Variants in TRABD observed in about 807,000 individuals in gnomAD.
The protein encoded by TRABD is TraB domain containing.
Under a neutral mutation model 39.6 loss-of-function variants are expected in TRABD, and 23 were observed. The observed-to-expected ratio is 0.58, with a 90% CI of 0.42 to 0.82. TRABD has a LOEUF of 0.82. Among genes scored for constraint, TRABD ranks in the 40% least tolerant of loss-of-function variants. TRABD has a pLI of 0.00. For synonymous variants in TRABD, 243 were observed against 232.1 expected, an observed-to-expected ratio of 1.05 and a Z score of -0.43; for missense variants, 487 against 544.9, an observed-to-expected ratio of 0.89 and a Z score of 1.06.
Position 50,197,963 on chromosome 22 carries a change from C to T in TRABD, c.812C>T (p.Ala271Val), listed in dbSNP as rs1355351872. Residue 271 changes from alanine (A) to valine (V), a missense_variant, in exon 8 of 10, where the codon GCG becomes GTG. By Grantham distance (64) the Ala-to-Val change is moderately conservative. Coordinates refer to ENST00000380909, the MANE Select transcript of TRABD (RefSeq NM_001320485.2). Reference protein sequence around the residue: ...VYLTYMLRQAARRLELPRASD... With the variant: ...VYLTYMLRQAVRRLELPRASD... ...CTAACCTACATGCTGCGCCAGGCCG[C>T]GCGGCGCCTCGAGCTGCCTCGGGCC... The T allele has an allele frequency of 3.1e-6, 5 of 1,612,576 alleles. No individual in the cohort carries two copies. The highest frequency in any genetic ancestry group is 2.2e-5 in the South Asian group (2 of 91,072).
rs777211743 is a variant in TRABD, at chr22:50,198,366, C to T, written c.978C>T (p.Ser326=). ...EIMTVPPPSV[S]GRVSRLAVKA... ...ACAGCGTGCCCCCGCCGTCCGTCTCCGGCAGAGTGTCTCGGTTGGCCGTGA... is the reference window on the plus strand; with the variant it reads ...ACAGCGTGCCCCCGCCGTCCGTCTCTGGCAGAGTGTCTCGGTTGGCCGTGA... The change falls in exon 10 of 10, where the codon TCC becomes TCT. Residue 326 remains serine, a synonymous_variant. Coordinates refer to ENST00000380909, the MANE Select transcript of TRABD (RefSeq NM_001320485.2). The surrounding 1 kb of genome is among the most constrained non-coding windows in gnomAD (Gnocchi z 7.9). 18 of 1,585,074 alleles carry T rather than the reference C, an allele frequency of 1.1e-5. No individual in the cohort carries two copies. Among genetic ancestry groups the T allele is most frequent in the Middle Eastern group, 1.7e-4 (1 of 5,848 alleles).
chr22:50,193,052 C>A lies in TRABD; in HGVS notation c.-9C>A, dbSNP rs756282901. The A allele has an allele frequency of 1.9e-6, 3 of 1,545,108 alleles. No individual in the cohort carries two copies. Among genetic ancestry groups the A allele is most frequent in the South Asian group, 1.2e-5 (1 of 84,102 alleles). On this transcript the variant is annotated 5_prime_UTR_variant, in exon 2 of 10. Transcript: ENST00000380909. ...GCTCCCCACAGGTGCAGGAAGCCGC[C>A]GCCCAGCCATGGACGGGGAGGAGCA...
At chr22:50,187,288 C>T (rs1172221920) in intron 1 of TRABD, among the ~76,000 whole-genome samples, 1 of 152,218 alleles carries the variant, frequency 6.6e-6, no homozygotes, top group Non-Finnish European at 1.5e-5. Flanking sequence ...CGGGCTCTGG[C>T]TCAGGTGTGT....
chr22:50,195,137 A>G, intron 5 of TRABD, 97 bp downstream of exon 5: 1 of 1,432,660 alleles, frequency 7.0e-7, no homozygotes. Context: ...GCCCCCAGTC[A>G]GTGTGGCTGT....
At chr22:50,197,212 C>G in intron 5 of TRABD, 29 bp from the exon 6 acceptor site, 1 of 1,606,298 alleles carries the variant, frequency 6.2e-7, no homozygotes, top group Non-Finnish European at 8.5e-7. Flanking sequence ...CCCGCCCCTC[C>G]AGCTGATGCC....
intron 1 of TRABD, among the ~76,000 whole-genome samples, chr22:50,186,409 G>A (rs1270550988): frequency 6.6e-6 from 1 of 152,070 alleles, no homozygotes; most frequent in Non-Finnish European, 1.5e-5. Flanking sequence ...CAGGCCCCGC[G>A]CGTCCCCTGC....
chr22:50,197,789 A>G, intron 7 of TRABD, 34 bp from the exon 8 acceptor site: 1 of 358,118 alleles, frequency 2.8e-6, no homozygotes, highest in Non-Finnish European at 4.4e-6. Context: ...CCCGTTGCCC[A>G]TCCCTGCGGG....
At chr22:50,187,907 G>A (rs2063800880) in intron 1 of TRABD, among the ~76,000 whole-genome samples, 1 of 151,934 alleles carries the variant, frequency 6.6e-6, no homozygotes, top group Non-Finnish European at 1.5e-5. Flanking sequence ...GTGAACCCGG[G>A]AGGCAGAGCT....
At chr22:50,192,881 TG>T in intron 1 of TRABD, 145 bp from the exon 2 acceptor site, 1 of 586,150 alleles carries the variant, frequency 1.7e-6, no homozygotes, top group South Asian at 2.5e-5. Flanking sequence ...CAGCCTTTGA[TG>T]GGCAGGAGGC....
chr22:50,188,698 G>A (rs1286716097), intron 1 of TRABD, among the ~76,000 whole-genome samples: 1 of 152,234 alleles, frequency 6.6e-6, no homozygotes, highest in Non-Finnish European at 1.5e-5. Flanking sequence ...GCTCTAACCT[G>A]TGGGTTTTGG....
intron 5 of TRABD, among the ~76,000 whole-genome samples, chr22:50,196,128 C>T (rs537785283): frequency 3.0e-4 from 46 of 152,288 alleles, no homozygotes; most frequent in South Asian, 1.7e-3. Context: ...ACCAGGTGTC[C>T]GCTTCACCTG....
At position 50,198,438 on chromosome 22, in the gene TRABD, C is replaced by T; in HGVS notation, c.1050C>T (p.Gly350=). The change falls in exon 10 of 10, where the codon GGC becomes GGT. Residue 350 remains glycine (G), a synonymous_variant. Transcript: ENST00000380909. The surrounding 1 kb of genome is among the most constrained non-coding windows in gnomAD (Gnocchi z 7.9). ...GLLGYSLYWM[G]RRTASLVLSL... ...TGGGCTACAGCCTGTACTGGATGGG[C>T]CGCCGCACCGCGAGCCTGGTCCTGT... 1.3e-6 allele frequency: 2 copies of T among 1,593,994 alleles called. No homozygotes were observed. Among genetic ancestry groups the T allele is most frequent in the Non-Finnish European group, 1.7e-6 (2 of 1,176,168 alleles).
chr22:50,188,399 C>T (rs1444230070), intron 1 of TRABD, among the ~76,000 whole-genome samples: 2 of 152,212 alleles, frequency 1.3e-5, no homozygotes, highest in African/African-American at 4.8e-5. Flanking sequence ...CGAGTAGGCT[C>T]CTCCCACCAT....
rs1602477297 is a variant in TRABD, at chr22:50,198,796, G to A, written c.*277G>A. 3.7e-6 allele frequency: 2 copies of A among 543,952 alleles called. No individual in the cohort carries two copies. The highest frequency in any genetic ancestry group is 3.2e-6 in the Non-Finnish European group (1 of 308,368). 33.7% of individuals were successfully genotyped at this position (543,952 alleles called of 1,614,324 possible). A position where few individuals can be genotyped will look rare whatever the true frequency, so the allele number is the denominator to read the frequency against. ...GGACAAGACACCCAGCTCCGAGGGGGCAGGGGCTTATAGGAGGGGCCGAGG... is the reference window on the plus strand; with the variant it reads ...GGACAAGACACCCAGCTCCGAGGGGACAGGGGCTTATAGGAGGGGCCGAGG... On this transcript the variant is annotated 3_prime_UTR_variant, in exon 10 of 10. Coordinates refer to ENST00000380909, the MANE Select transcript of TRABD (RefSeq NM_001320485.2). The surrounding 1 kb of genome is among the most constrained non-coding windows in gnomAD (Gnocchi z 7.9).
At chr22:50,190,642 T>TC (rs2063875379) in intron 1 of TRABD, 3 of 152,524 alleles carry the variant, frequency 2.0e-5, no homozygotes, top group Non-Finnish European at 4.4e-5. Flanking sequence ...GGTCCGGACT[T>TC]CCGTGTGTGA....
chr22:50,193,087 G>A lies in TRABD; in HGVS notation c.27G>A (p.Pro9=), dbSNP rs746832319. Residue 9 remains proline (P), a synonymous_variant, in exon 2 of 10, where the codon CCG becomes CCA. Coordinates refer to ENST00000380909, the MANE Select transcript of TRABD (RefSeq NM_001320485.2). Reference sequence around the variant, plus strand: ...TGGACGGGGAGGAGCAGCAGCCACCGCACGAGGTGAGGTGGAGGCTGGGCT... The same window carrying A: ...TGGACGGGGAGGAGCAGCAGCCACCACACGAGGTGAGGTGGAGGCTGGGCT... MDGEEQQP[P]HEANVEPVVP... 22 of 1,545,206 alleles carry A rather than the reference G, an allele frequency of 1.4e-5. No individual in the cohort carries two copies. The highest frequency in any genetic ancestry group is 2.4e-5 in the South Asian group (2 of 84,064).
chr22:50,190,751 G>A, intron 1 of TRABD: 1 of 152,540 alleles, frequency 6.6e-6, no homozygotes, highest in East Asian at 1.9e-4. Context: ...CGGACCGGGT[G>A]CTTGTCTGGG....
At chr22:50,197,766 C>CCCCCCCCCCCCCCCCCCTGG in intron 7 of TRABD, 57 bp from the exon 8 acceptor site, 1 of 925,780 alleles carries the variant, frequency 1.1e-6, no homozygotes, top group Non-Finnish European at 1.7e-6. Context: ...CAGTGCCAGC[C>CCCCCCCCCCCCCCCCCCTGG]CCACCCCCCC....
intron 7 of TRABD, 60 bp from the exon 8 acceptor site, chr22:50,197,763 A>AGCCCCCCCCCCCCCCCCCCGGG: frequency 1.4e-6 from 2 of 1,439,778 alleles, no homozygotes; most frequent in East Asian, 4.6e-5. Context: ...CCACAGTGCC[A>AGCCCCCCCCCCCCCCCCCCGGG]GCCCCACCCC....
Sources: gnomAD v4.1 joint callset for allele counts (sites outside exome capture counted in the v4.1 genomes callset) on GRCh38, gnomAD v4.1.1 for gene constraint, Gnocchi (gnomAD v3.1) non-coding constraint, MANE v1.5 for transcripts, NCBI Gene and HGNC (gene_info 2026-07-23, HGNC 2026-07-21) for gene names.